HACD3: variants seen among roughly 807,000 people sequenced by gnomAD.
The protein encoded by HACD3 is 3-hydroxyacyl-CoA dehydratase 3, also known as very-long-chain (3R)-3-hydroxyacyl-CoA dehydratase 3.
In HACD3, 30 loss-of-function variants were observed where a neutral mutation model predicts 55.2. The observed-to-expected ratio is 0.54, with a 90% confidence interval of 0.41 to 0.74. HACD3 has a LOEUF of 0.74. HACD3 is among the 30% of genes least tolerant of loss of function. HACD3 has a pLI of 0.00. For synonymous variants in HACD3, 141 were observed against 151.7 expected (o/e 0.93, Z 0.52); for missense variants, 363 against 440.1 (o/e 0.82, Z 1.57).
chr15:65,544,741 G>A (rs1376492758), intron 1 of HACD3, among the ~76,000 whole-genome samples: 1 of 152,130 alleles, frequency 6.6e-6, no homozygotes, highest in African/African-American at 2.4e-5. Context: ...TTATAATGTT[G>A]CCGGGTGCGG....
intron 1 of HACD3, among the ~76,000 whole-genome samples, chr15:65,532,937 T>G (rs1378870686): frequency 6.6e-6 from 1 of 151,960 alleles, no homozygotes; most frequent in Non-Finnish European, 1.5e-5. Flanking sequence ...TGTGTAGGAG[T>G]ATGTTTATTG....
At chr15:65,537,724 C>T (rs1229950927) in intron 1 of HACD3, among the ~76,000 whole-genome samples, 6 of 128,764 alleles carry the variant, frequency 4.7e-5, no homozygotes, top group African/African-American at 1.8e-4. Flanking sequence ...ATCTGGGAGG[C>T]AGAGGTTGCA....
At chr15:65,555,156 G>A (rs957015463) in intron 3 of HACD3, among the ~76,000 whole-genome samples, 196 bp downstream of exon 3, 3 of 152,202 alleles carry the variant, frequency 2.0e-5, no homozygotes, top group Admixed American at 1.3e-4. Flanking sequence ...TTGAGTCAGG[G>A]CCCTGCCATT....
intron 7 of HACD3, among the ~76,000 whole-genome samples, chr15:65,567,384 G>A (rs764451437): frequency 2.1e-4 from 32 of 152,076 alleles, no homozygotes; most frequent in Non-Finnish European, 1.0e-4. Context: ...TAGCTGAAGA[G>A]AAAATTAGTG....
At chr15:65,564,661 C>T (rs564151598) in intron 7 of HACD3, 32 of 206,244 alleles carry the variant, frequency 1.6e-4, no homozygotes, top group African/African-American at 3.8e-4. Context: ...AAAGACCGGC[C>T]GCACTGATTC....
At chr15:65,571,360 G>A (rs144214824) in intron 8 of HACD3, among the ~76,000 whole-genome samples, 188 bp from the exon 9 acceptor site, 95 of 152,276 alleles carry the variant, frequency 6.2e-4, no homozygotes, top group African/African-American at 2.1e-3. Flanking sequence ...ATTAAAGAGC[G>A]TTCAGATCCT....
chr15:65,533,813 A>AATCC (rs2071927232), intron 1 of HACD3, among the ~76,000 whole-genome samples: 1 of 151,088 alleles, frequency 6.6e-6, no homozygotes, highest in Non-Finnish European at 1.5e-5. Context: ...GCACTATGGG[A>AATCC]GGCCGAGACG....
At chr15:65,551,287 A>C (rs993159026) in intron 1 of HACD3, among the ~76,000 whole-genome samples, 3 of 152,100 alleles carry the variant, frequency 2.0e-5, no homozygotes, top group African/African-American at 7.2e-5. Context: ...ATATCTTCTC[A>C]CAGAAAGTGC....
chr15:65,550,152 C>T lies in HACD3; in HGVS notation c.88-1524C>T, dbSNP rs572441042. On this transcript the variant is annotated intron_variant, in intron 1 of 10. Coordinates refer to ENST00000261875, the MANE Select transcript of HACD3 (RefSeq NM_016395.4). ...CCTGTAATCCCAGCACTTTGGGAGG[C>T]CGAGGCAGGCAGATCACCTGAGGTC... is the stretch of plus-strand genomic sequence containing the variant. 5.3e-5 allele frequency among the ~76,000 whole-genome samples: 8 copies of T among 152,292 alleles called. No individual in the cohort carries two copies. In the South Asian group the frequency reaches 1.5e-3, roughly 28 times the overall value.
At chr15:65,558,904 A>G (rs1459689590) in intron 5 of HACD3, among the ~76,000 whole-genome samples, 173 bp downstream of exon 5, 1 of 152,198 alleles carries the variant, frequency 6.6e-6, no homozygotes, top group Non-Finnish European at 1.5e-5. Flanking sequence ...CCACGTCAGA[A>G]TCCTTACCTT....
chr15:65,562,970 G>A, intron 6 of HACD3, 86 bp downstream of exon 6: 2 of 1,549,214 alleles, frequency 1.3e-6, no homozygotes, highest in South Asian at 1.2e-5. Flanking sequence ...TGCCTTTGAT[G>A]TTAATAATAA....
At chr15:65,562,022 T>C (rs2072248944) in intron 5 of HACD3, among the ~76,000 whole-genome samples, 1 of 152,216 alleles carries the variant, frequency 6.6e-6, no homozygotes, top group Non-Finnish European at 1.5e-5. Flanking sequence ...GGAGCTTCCA[T>C]GCCCTCCCCA....
At chr15:65,572,830 G>A (rs971325212) in intron 10 of HACD3, among the ~76,000 whole-genome samples, 6 of 150,574 alleles carry the variant, frequency 4.0e-5, no homozygotes, top group Non-Finnish European at 7.4e-5. Flanking sequence ...CAGGAGAATC[G>A]CTTGAACCCG....
At chr15:65,542,227 C>CAAAAAAAAAAA (rs527287203) in intron 1 of HACD3, among the ~76,000 whole-genome samples, 1 of 63,230 alleles carries the variant, frequency 1.6e-5, no homozygotes, top group African/African-American at 6.2e-5. Flanking sequence ...GACTCCATCT[C>CAAAAAAAAAAA]AAAAAAAAAA....
intron 6 of HACD3, among the ~76,000 whole-genome samples, chr15:65,563,147 C>G (rs561567157): frequency 5.3e-5 from 8 of 152,254 alleles, no homozygotes; most frequent in South Asian, 2.1e-4. Context: ...GCCAGAGCCA[C>G]ATCTTGGGCT....
intron 1 of HACD3, 52 bp from the exon 2 acceptor site, chr15:65,551,624 A>G: frequency 6.2e-7 from 1 of 1,607,070 alleles, no homozygotes. Context: ...GTTTAATCTC[A>G]TTTTTTCTCT....
chr15:65,560,321 C>A (rs747017322), intron 5 of HACD3, among the ~76,000 whole-genome samples: 7 of 152,226 alleles, frequency 4.6e-5, no homozygotes, highest in Non-Finnish European at 1.0e-4. Context: ...CTGTCCTTTT[C>A]TTTACCCTAC....
intron 7 of HACD3, 24 bp from the exon 8 acceptor site, chr15:65,570,067 C>T (rs1428493651): frequency 1.4e-6 from 2 of 1,441,334 alleles, no homozygotes; most frequent in South Asian, 1.3e-5. Flanking sequence ...TAACTTTTTT[C>T]TCTCTTTTGG....
chr15:65,568,870 T>C (rs11854388), intron 7 of HACD3, among the ~76,000 whole-genome samples: 2 of 152,168 alleles, frequency 1.3e-5, no homozygotes, highest in Non-Finnish European at 2.9e-5. Context: ...ACAACCCAGA[T>C]ATCTATGAAG....
Sources: allele counts gnomAD v4.1 joint callset (sites outside exome capture counted in the v4.1 genomes callset), GRCh38; gene constraint gnomAD v4.1.1; transcripts MANE v1.5; gene names NCBI Gene and HGNC (gene_info 2026-07-23, HGNC 2026-07-21).